Variants in NCR1 observed in about 807,000 individuals in gnomAD.
The protein encoded by NCR1 is natural cytotoxicity triggering receptor 1, also known as NK cell-activating receptor.
Under a neutral mutation model 32.5 loss-of-function variants are expected in NCR1, and 30 were observed. The observed-to-expected ratio is 0.92, with a 90% confidence interval of 0.69 to 1.25. The LOEUF is 1.25. Among genes scored for constraint, NCR1 ranks in the 50% most tolerant of loss-of-function variants. The pLI is 0.00. For synonymous variants in NCR1, 169 were observed against 143.4 expected, an observed-to-expected ratio of 1.18 and a Z score of -1.28; for missense variants, 369 against 380.7, an observed-to-expected ratio of 0.97 and a Z score of 0.26.
the NCR1 span, among the ~76,000 whole-genome samples, chr19:54,898,965 G>C: frequency 6.6e-6 from 1 of 151,958 alleles, no homozygotes; most frequent in African/African-American, 2.4e-5. Context: ...GACCCAGCTC[G>C]GCCTGGCGAG....
At chr19:54,936,249 C>A in the NCR1 span, 3 of 1,611,612 alleles carry the variant, frequency 1.9e-6, no homozygotes, top group Middle Eastern at 2.1e-4. Context: ...GAGCCGTGAC[C>A]GTGAGACCCA....
At chr19:54,938,094 C>A in the NCR1 span, 6 of 1,614,088 alleles carry the variant, frequency 3.7e-6, no homozygotes, top group East Asian at 2.2e-5. Context: ...CACAAAGAAT[C>A]CGCACAGAAG....
In NCR1 at chr19:54,912,843, G is replaced by A. The variant is rs1468986414; in HGVS notation, c.887G>A (p.Arg296Lys). The A allele has an allele frequency of 6.2e-7, 1 of 1,613,752 alleles. No homozygotes were observed. Among genetic ancestry groups the A allele is most frequent in the African/African-American group, 1.3e-5 (1 of 74,892 alleles). ...AGCAGAGCTTCCACTTGGGAAGGCA[G>A]GAGAAGGCTGAACACACAGACTCTT... The part of the protein sequence containing the change: ...RASRASTWEG[R>K]RRLNTQTL Residue 296 changes from arginine to lysine, a missense_variant, in exon 7 of 7, where the codon AGG (arginine) becomes AAG (lysine). Physicochemically the swap from Arg to Lys is conservative, Grantham distance 26. Coordinates refer to ENST00000291890, the MANE Select transcript of NCR1 (RefSeq NM_004829.7).
At chr19:54,934,597 T>A in the NCR1 span, 2 of 1,614,126 alleles carry the variant, frequency 1.2e-6, no homozygotes, top group Non-Finnish European at 1.7e-6. This position sits in a 1 kb window ranked among gnomAD's most constrained non-coding sequence, Gnocchi z 6.7. Flanking sequence ...CAGGGACTGG[T>A]TGGCTTTGAG....
At chr19:54,921,898 TA>T in the NCR1 span, among the ~76,000 whole-genome samples, 2 of 125,936 alleles carry the variant, frequency 1.6e-5, no homozygotes, top group African/African-American at 6.0e-5. Flanking sequence ...TCAATGCTCT[TA>T]TTTTTTTTTT....
At position 54,912,791 on chromosome 19, in the gene NCR1, A is replaced by T; in HGVS notation, c.835A>T (p.Ser279Cys). Residue 279 changes from serine (S) to cysteine (C), a missense_variant, in exon 7 of 7, where the codon AGC (serine) becomes TGC (cysteine). By Grantham distance (112) the Ser-to-Cys change is moderately radical. Coordinates refer to ENST00000291890, the MANE Select transcript of NCR1 (RefSeq NM_004829.7). ...GTGGTTCCTGGTTGAAGACTGGCTC[A>T]GCAGGAAGAGGACTAGAGAGCGAGC... ...LVWFLVEDWL[S>C]RKRTRERASR... The T allele has an allele frequency of 6.2e-7, 1 of 1,613,984 alleles. No individual in the cohort carries two copies. The highest frequency in any genetic ancestry group is 8.5e-7 in the Non-Finnish European group (1 of 1,180,012).
chr19:54,923,949 AAC>A, the NCR1 span: 1 of 1,502,032 alleles, frequency 6.7e-7, no homozygotes, highest in Non-Finnish European at 9.2e-7. Context: ...TCTGTTTTCA[AAC>A]ACTCAAAGCA....
chr19:54,899,616 C>T, the NCR1 span, among the ~76,000 whole-genome samples: 48 of 151,856 alleles, frequency 3.2e-4, no homozygotes, highest in South Asian at 6.2e-4. Flanking sequence ...CCTAGAAAAG[C>T]GGTACTTGCC....
At chr19:54,924,671 C>G in the NCR1 span, among the ~76,000 whole-genome samples, 5 of 152,194 alleles carry the variant, frequency 3.3e-5, no homozygotes, top group Admixed American at 6.5e-5. Context: ...CACGGTGACT[C>G]ACGCCTATAA....
downstream of NCR1, among the ~76,000 whole-genome samples, chr19:54,918,567 C>G (rs1478997021): frequency 6.6e-6 from 1 of 152,074 alleles, no homozygotes; most frequent in Non-Finnish European, 1.5e-5. Flanking sequence ...AGCGACCACA[C>G]TGGCCTAATG....
chr19:54,909,564 T>TCCTA (rs2067848737), intron 4 of NCR1, 41 bp downstream of exon 4: 1 of 1,575,266 alleles, frequency 6.3e-7, no homozygotes, highest in African/African-American at 1.3e-5. Flanking sequence ...CGCCGCCATG[T>TCCTA]GCTACCTGGA....
chr19:54,916,317 C>CTTTTTTTTTTTCTTTTTTTTTTTT (rs2068131308), downstream of NCR1, among the ~76,000 whole-genome samples: 1 of 87,124 alleles, frequency 1.1e-5, no homozygotes, highest in Non-Finnish European at 2.3e-5. Flanking sequence ...GAATATTGTG[C>CTTTTTTTTTTTCTTTTTTTTTTTT]TTTTTTTTTT....
the NCR1 span, among the ~76,000 whole-genome samples, chr19:54,899,361 A>G: frequency 0.018 from 2,781 of 152,100 alleles, 34 homozygotes; most frequent in South Asian, 0.041. Flanking sequence ...AAGGGAGAAG[A>G]AGGAGGAATG....
chr19:54,927,012 C>T, the NCR1 span, among the ~76,000 whole-genome samples: 11 of 151,760 alleles, frequency 7.2e-5, no homozygotes, highest in Non-Finnish European at 1.5e-4. Flanking sequence ...ATCGCTTCAA[C>T]CTGTGAGAAG....
chr19:54,903,626 G>C (rs587681161), upstream of NCR1, among the ~76,000 whole-genome samples: 3 of 139,954 alleles, frequency 2.1e-5, no homozygotes, highest in South Asian at 6.6e-4. Flanking sequence ...ATACATGTAC[G>C]GTACTATGCA....
chr19:54,903,375 C>G (rs901884435), upstream of NCR1, among the ~76,000 whole-genome samples: 2 of 119,104 alleles, frequency 1.7e-5, no homozygotes, highest in African/African-American at 3.6e-5. Context: ...TGTATATATA[C>G]ATGTATGTAT....
At chr19:54,917,497 T>C (rs1210533824), downstream of NCR1, among the ~76,000 whole-genome samples, 1 of 151,944 alleles carries the variant, frequency 6.6e-6, no homozygotes, top group Non-Finnish European at 1.5e-5. Context: ...TTTTTGTATT[T>C]TTAGTGGAGA....
the NCR1 span, among the ~76,000 whole-genome samples, chr19:54,925,179 A>G: frequency 2.6e-5 from 4 of 152,108 alleles, no homozygotes; most frequent in Non-Finnish European, 5.9e-5. Flanking sequence ...GGAGGAACTG[A>G]GGAATGAGAA....
At chr19:54,937,609 A>C in the NCR1 span, among the ~76,000 whole-genome samples, 4 of 150,930 alleles carry the variant, frequency 2.7e-5, no homozygotes, top group Non-Finnish European at 1.5e-5. Flanking sequence ...ATAAAAAATA[A>C]AAAAGGGGCC....
Sources: gnomAD v4.1 joint callset for allele counts (sites outside exome capture counted in the v4.1 genomes callset) on GRCh38, gnomAD v4.1.1 for gene constraint, Gnocchi (gnomAD v3.1) non-coding constraint, MANE v1.5 for transcripts, NCBI Gene and HGNC (gene_info 2026-07-23, HGNC 2026-07-21) for gene names.